KIF6: variants seen among roughly 807,000 people sequenced by gnomAD.
KIF6 encodes the protein kinesin family member 6.
In KIF6, 106 loss-of-function variants were observed where a neutral mutation model predicts 112.7. The observed-to-expected ratio is 0.94, with a 90% CI of 0.80 to 1.11. KIF6 has a LOEUF of 1.11. Among genes scored for constraint, KIF6 ranks in the 50% least tolerant of loss-of-function variants. KIF6 has a pLI of 0.00. For synonymous variants in KIF6, 339 were observed against 339.9 expected (o/e 1.00, Z 0.03); for missense variants, 929 against 964.0 (o/e 0.96, Z 0.48).
chr6:39,656,696 A>G (rs1785804123), intron 3 of KIF6, among the ~76,000 whole-genome samples: 1 of 152,030 alleles, frequency 6.6e-6, no homozygotes, highest in South Asian at 2.1e-4. Flanking sequence ...TACATCACAA[A>G]CCTCAGCCTC....
At chr6:39,442,504 G>T (rs1051394838) in intron 13 of KIF6, among the ~76,000 whole-genome samples, 35 of 152,168 alleles carry the variant, frequency 2.3e-4, no homozygotes, top group Admixed American at 2.2e-3. Context: ...ACTGAGTTTG[G>T]AAAGCCGCCT....
chr6:39,586,935 C>T (rs1781668200), intron 7 of KIF6, among the ~76,000 whole-genome samples: 1 of 152,140 alleles, frequency 6.6e-6, no homozygotes, highest in Admixed American at 6.5e-5. Flanking sequence ...ATAGTATCTA[C>T]CTCACAGGTA....
intron 13 of KIF6, among the ~76,000 whole-genome samples, chr6:39,451,515 C>A (rs1354961196): frequency 6.6e-6 from 1 of 152,170 alleles, no homozygotes; most frequent in African/African-American, 2.4e-5. Flanking sequence ...TATAAAAATG[C>A]ACTCTACTAG....
At chr6:39,605,265 A>G (rs907951181) in intron 6 of KIF6, among the ~76,000 whole-genome samples, 16 of 152,070 alleles carry the variant, frequency 1.1e-4, no homozygotes, top group African/African-American at 3.6e-4. Flanking sequence ...ACTTATCATA[A>G]TTGTCTACTC....
intron 13 of KIF6, among the ~76,000 whole-genome samples, chr6:39,510,794 G>A (rs1776734512): frequency 7.0e-6 from 1 of 143,234 alleles, no homozygotes; most frequent in South Asian, 2.3e-4. Flanking sequence ...CTGTATTCAG[G>A]AGATCCATCT....
chr6:39,527,522 A>G (rs1777804483), intron 13 of KIF6, among the ~76,000 whole-genome samples: 1 of 152,204 alleles, frequency 6.6e-6, no homozygotes. Flanking sequence ...CCAAATGGAA[A>G]AAAAAAATCC....
chr6:39,552,971 T>C (rs1779470215), intron 10 of KIF6, among the ~76,000 whole-genome samples: 1 of 152,186 alleles, frequency 6.6e-6, no homozygotes. Context: ...AATAGGACTA[T>C]GACCAAAGGA....
At chr6:39,390,077 A>AGAC (rs1424426972) in intron 15 of KIF6, among the ~76,000 whole-genome samples, 1 of 151,810 alleles carries the variant, frequency 6.6e-6, no homozygotes, top group Non-Finnish European at 1.5e-5. Context: ...ATCTGGAGGT[A>AGAC]GACGAAGTTG....
At chr6:39,682,067 G>A (rs1361589587) in intron 3 of KIF6, among the ~76,000 whole-genome samples, 6 of 152,154 alleles carry the variant, frequency 3.9e-5, no homozygotes, top group African/African-American at 1.4e-4. Context: ...TGGTCTCACT[G>A]CTAGGAATGC....
intron 13 of KIF6, among the ~76,000 whole-genome samples, chr6:39,495,248 CCAAAG>C (rs138301046): frequency 2.2e-4 from 34 of 152,270 alleles, no homozygotes; most frequent in Middle Eastern, 3.4e-3. Flanking sequence ...CGTCATCATA[CCAAAG>C]TGGAGCTAGA....
chr6:39,567,611 C>CTTT (rs138061257), intron 10 of KIF6, among the ~76,000 whole-genome samples: 21 of 145,054 alleles, frequency 1.4e-4, no homozygotes, highest in South Asian at 2.2e-4. Context: ...GAAGTGATTT[C>CTTT]TTTTTTTTTT....
intron 17 of KIF6, 23 bp downstream of exon 17, chr6:39,362,411 T>G (rs1364271862): frequency 3.1e-6 from 5 of 1,589,344 alleles, no homozygotes; most frequent in Non-Finnish European, 4.3e-6. Flanking sequence ...GCTCGGACTG[T>G]GTGTGGCTAA....
intron 15 of KIF6, 86 bp from the exon 16 acceptor site, chr6:39,385,758 A>G: frequency 1.4e-6 from 1 of 711,400 alleles, no homozygotes; most frequent in African/African-American, 1.9e-5. Context: ...AAGCTACAGA[A>G]AAAAAAAAAA....
chr6:39,436,941 G>A (rs902755229), intron 13 of KIF6, among the ~76,000 whole-genome samples: 8 of 152,066 alleles, frequency 5.3e-5, no homozygotes, highest in Non-Finnish European at 7.4e-5. Context: ...CACTGAATCT[G>A]TAGATTGCTT....
chr6:39,534,836 G>A (rs1371379659), intron 13 of KIF6, among the ~76,000 whole-genome samples: 1 of 152,216 alleles, frequency 6.6e-6, no homozygotes, highest in African/African-American at 2.4e-5. Context: ...CCCACAAAGG[G>A]AAGCCCATCA....
chr6:39,359,482 C>T (rs1366415465), intron 18 of KIF6, among the ~76,000 whole-genome samples: 4 of 152,108 alleles, frequency 2.6e-5, no homozygotes, highest in African/African-American at 9.7e-5. Flanking sequence ...CAGTAACAGC[C>T]ATTAAAACAA....
intron 3 of KIF6, among the ~76,000 whole-genome samples, chr6:39,713,510 A>G (rs1033512226): frequency 1.3e-5 from 2 of 152,178 alleles, no homozygotes; most frequent in African/African-American, 2.4e-5. Context: ...TCAAGATGAG[A>G]GAGTCTGTAG....
chr6:39,479,148 T>C (rs565959159), intron 13 of KIF6, among the ~76,000 whole-genome samples: 2 of 152,316 alleles, frequency 1.3e-5, no homozygotes, highest in South Asian at 4.1e-4. Flanking sequence ...CATTTGCTTT[T>C]GGGTTGTTGG....
intron 15 of KIF6, 80 bp from the exon 16 acceptor site, chr6:39,385,752 T>G: frequency 3.9e-6 from 2 of 511,586 alleles, no homozygotes; most frequent in Non-Finnish European, 6.3e-6. Flanking sequence ...TGTGGCAAGC[T>G]ACAGAAAAAA....
Sources: gnomAD v4.1 joint callset for allele counts (sites outside exome capture counted in the v4.1 genomes callset) on GRCh38, gnomAD v4.1.1 for gene constraint, MANE v1.5 for transcripts, NCBI Gene and HGNC (gene_info 2026-07-23, HGNC 2026-07-21) for gene names.